Variants in ARPC1A observed in about 807,000 individuals in gnomAD.
ARPC1A encodes actin-related protein 2/3 complex subunit 1A.
Under a neutral mutation model 46.9 loss-of-function variants are expected in ARPC1A, and 8 were observed. That is an observed-to-expected ratio of 0.17 (90% CI 0.10 to 0.31). The LOEUF (loss-of-function observed/expected upper bound fraction) is 0.31. Ranked by LOEUF, ARPC1A falls within the 10% of genes least tolerant of loss-of-function variation. The pLI is 1.00. For synonymous variants in ARPC1A, 152 were observed against 169.0 expected, an observed-to-expected ratio of 0.90 and a Z score of 0.78; for missense variants, 286 against 483.6, an observed-to-expected ratio of 0.59 and a Z score of 3.83.
In ARPC1A at chr7:99,355,114, CAAAAAAA is replaced by C. The variant is rs76934314; in HGVS notation, c.713+1005_713+1011del. The stretch of plus-strand genomic sequence containing the variant: ...GGGCAACAAATGCAGAACTCCGTCT[CAAAAAAA>C]AAAAAAAAAAATCAGCCCGGCATAG... On this transcript the variant is annotated intron_variant, in intron 6 of 9. Transcript: ENST00000262942. Among the ~76,000 whole-genome samples, 3 of 85,406 alleles carry C rather than the reference CAAAAAAA, an allele frequency of 3.5e-5. No individual in the cohort carries two copies. The Admixed American group carries it at 4.0e-4, about 11-fold the overall frequency. 56.0% of individuals were successfully genotyped at this position (85,406 alleles called of 152,430 possible).
Position 99,338,171 on chromosome 7 carries a change from G to T in ARPC1A, c.65-10G>T, listed in dbSNP as rs1323025179. 1.9e-6 allele frequency: 3 copies of T among 1,588,752 alleles called. No homozygotes were observed. In the African/African-American group the frequency reaches 4.0e-5, roughly 21 times the overall value. ...TCAGGTGTTAACTGTTGTTTGACTTGTGTCTCCAGAGATTGCCCTCAGTCC... is the reference window on the plus strand; with the variant it reads ...TCAGGTGTTAACTGTTGTTTGACTTTTGTCTCCAGAGATTGCCCTCAGTCC... On this transcript the variant is annotated splice_polypyrimidine_tract_variant and intron_variant, in intron 2 of 9. Coordinates refer to ENST00000262942, the MANE Select transcript of ARPC1A (RefSeq NM_006409.4).
intron 3 of ARPC1A, among the ~76,000 whole-genome samples, chr7:99,341,322 A>G (rs1030514843): frequency 1.6e-4 from 22 of 138,364 alleles, no homozygotes; most frequent in South Asian, 9.3e-4. Context: ...AAAATAAAAA[A>G]TTAGGCTGGG....
intron 6 of ARPC1A, among the ~76,000 whole-genome samples, chr7:99,354,616 G>A (rs1465451782): frequency 1.3e-5 from 2 of 151,882 alleles, no homozygotes; most frequent in African/African-American, 4.8e-5. Context: ...GAGAGGCTGT[G>A]GGCAGATCAC....
At chr7:99,352,967 A>C (rs1793568675) in intron 5 of ARPC1A, among the ~76,000 whole-genome samples, 4 of 143,560 alleles carry the variant, frequency 2.8e-5, no homozygotes, top group South Asian at 2.3e-4. Context: ...TCTGTCCCCC[A>C]AAAATATATA....
chr7:99,326,179 G>A (rs994940331), intron 1 of ARPC1A, among the ~76,000 whole-genome samples, 175 bp downstream of exon 1: 3 of 152,236 alleles, frequency 2.0e-5, no homozygotes, highest in African/African-American at 2.4e-5. Flanking sequence ...CCCTTTCTCC[G>A]TGGATCCCCT....
At chr7:99,364,658 A>T (rs1009016732) in intron 9 of ARPC1A, among the ~76,000 whole-genome samples, 1 of 152,198 alleles carries the variant, frequency 6.6e-6, no homozygotes, top group Non-Finnish European at 1.5e-5. Flanking sequence ...ATGTCCATTT[A>T]TTCATTGAGG....
At chr7:99,337,093 G>A (rs558332160) in intron 2 of ARPC1A, among the ~76,000 whole-genome samples, 1 of 152,192 alleles carries the variant, frequency 6.6e-6, no homozygotes, top group South Asian at 2.1e-4. Flanking sequence ...ACGATTTGGG[G>A]ATATTTGCAT....
intron 1 of ARPC1A, among the ~76,000 whole-genome samples, chr7:99,330,511 C>T (rs10155956): frequency 0.099 from 15,094 of 152,090 alleles, 1,963 homozygotes; most frequent in African/African-American, 0.3. Flanking sequence ...GATAGGGTTT[C>T]GCCATGTTGG....
At chr7:99,353,219 C>T (rs1584383814) in intron 5 of ARPC1A, among the ~76,000 whole-genome samples, 2 of 151,926 alleles carry the variant, frequency 1.3e-5, no homozygotes, top group African/African-American at 2.4e-5. Flanking sequence ...AGTGCAGTGG[C>T]GCAATCTCAG....
chr7:99,330,174 T>TAA (rs1200413612), intron 1 of ARPC1A, among the ~76,000 whole-genome samples: 1 of 152,212 alleles, frequency 6.6e-6, no homozygotes, highest in Non-Finnish European at 1.5e-5. Flanking sequence ...CTCGACTGTA[T>TAA]AAAAGAAAAA....
At chr7:99,339,974 A>G (rs1408758370) in intron 3 of ARPC1A, 1 of 456,220 alleles carries the variant, frequency 2.2e-6, no homozygotes, top group South Asian at 1.5e-5. Context: ...AGATGGGAAG[A>G]CTGAAGAATG....
chr7:99,349,034 T>C (rs1793507662), intron 5 of ARPC1A, 75 bp downstream of exon 5: 2 of 1,433,510 alleles, frequency 1.4e-6, no homozygotes, highest in Non-Finnish European at 1.9e-6. Flanking sequence ...AGGTTCTCTT[T>C]CTTTGTTTTT....
intron 9 of ARPC1A, among the ~76,000 whole-genome samples, chr7:99,364,946 G>A (rs530261667): frequency 5.3e-5 from 8 of 152,242 alleles, no homozygotes; most frequent in African/African-American, 7.2e-5. Flanking sequence ...AGGGGGATGC[G>A]TGGACTGCAG....
intron 6 of ARPC1A, among the ~76,000 whole-genome samples, chr7:99,356,711 C>A: frequency 6.6e-6 from 1 of 151,822 alleles, no homozygotes; most frequent in Non-Finnish European, 1.5e-5. Flanking sequence ...ACCATCCTGG[C>A]TAACACGGTG....
chr7:99,330,604 C>G (rs1245671118), intron 1 of ARPC1A, among the ~76,000 whole-genome samples: 1 of 152,196 alleles, frequency 6.6e-6, no homozygotes, highest in Non-Finnish European at 1.5e-5. Flanking sequence ...CTTGAGCCAC[C>G]ATGCCTGGCC....
chr7:99,326,740 G>T (rs764879965), intron 1 of ARPC1A, among the ~76,000 whole-genome samples: 38 of 152,348 alleles, frequency 2.5e-4, no homozygotes, highest in Non-Finnish European at 5.1e-4. Flanking sequence ...CTGGCCGAGA[G>T]TAGGTGATCA....
intron 4 of ARPC1A, among the ~76,000 whole-genome samples, chr7:99,348,269 G>T (rs1413560137): frequency 6.6e-6 from 1 of 152,146 alleles, no homozygotes; most frequent in African/African-American, 2.4e-5. Context: ...TATGTAATCC[G>T]AAATCTCACG....
At chr7:99,334,180 G>A (rs895178649) in intron 2 of ARPC1A, among the ~76,000 whole-genome samples, 1 of 151,614 alleles carries the variant, frequency 6.6e-6, no homozygotes, top group African/African-American at 2.4e-5. Context: ...GGCCAACATG[G>A]TGAAACCCCA....
At chr7:99,361,437 G>A (rs1011631281) in intron 8 of ARPC1A, among the ~76,000 whole-genome samples, 1 of 149,232 alleles carries the variant, frequency 6.7e-6, no homozygotes, top group African/African-American at 2.5e-5. Context: ...ACTTCAGCCT[G>A]GGCTACATTG....
Sources: allele counts gnomAD v4.1 joint callset (sites outside exome capture counted in the v4.1 genomes callset), GRCh38; gene constraint gnomAD v4.1.1; transcripts MANE v1.5; gene names NCBI Gene and HGNC (gene_info 2026-07-23, HGNC 2026-07-21).